The following SCYL2 variants were observed in gnomAD, a reference collection of about 807,000 sequenced individuals.
SCYL2 encodes SCY1 like pseudokinase 2.
In SCYL2, 36 loss-of-function variants were observed where a neutral mutation model predicts 100.4. The ratio of observed to expected loss-of-function variants is 0.36; its 90% confidence interval spans 0.27 to 0.47. The LOEUF is 0.47. SCYL2 is among the 20% of genes least tolerant of loss of function. The pLI is 1.00. For synonymous variants in SCYL2, 330 were observed against 359.2 expected (o/e 0.92, Z 0.92); for missense variants, 902 against 1,083.9 (o/e 0.83, Z 2.36).
intron 7 of SCYL2, 115 bp downstream of exon 7, chr12:100,313,653 A>C (rs2096344950): frequency 1.7e-6 from 1 of 603,596 alleles, no homozygotes; most frequent in African/African-American, 1.9e-5. Context: ...TCTGAGATTA[A>C]GTTCTTCTAA....
chr12:100,278,558 T>G (rs1180657123), intron 1 of SCYL2, among the ~76,000 whole-genome samples: 1 of 152,126 alleles, frequency 6.6e-6, no homozygotes, highest in Non-Finnish European at 1.5e-5. Flanking sequence ...GCTGACAGTT[T>G]CGTTTAGCAG....
chr12:100,309,719 A>G (rs528150568), intron 4 of SCYL2, among the ~76,000 whole-genome samples: 4 of 152,288 alleles, frequency 2.6e-5, no homozygotes, highest in African/African-American at 9.6e-5. Flanking sequence ...GGCTATTGTG[A>G]ATAATGCTGC....
In SCYL2 at chr12:100,338,658, C is replaced by T; in HGVS notation, c.2276C>T (p.Ser759Phe). The T allele has an allele frequency of 6.2e-7, 1 of 1,614,002 alleles. No individual in the cohort carries two copies. Among genetic ancestry groups the T allele is most frequent in the South Asian group, 1.1e-5 (1 of 91,074 alleles). The part of the protein sequence containing the change: ...VPSMGIGMMF[S>F]TPTDNTKRNL... ...TCCATGGGCATTGGTATGATGTTTT[C>T]TACACCAACTGATAATACAAAGAGA... Residue 759 changes from serine to phenylalanine, a missense_variant, in exon 18 of 18, where the codon TCT (serine) becomes TTT (phenylalanine). Transcript: ENST00000360820.
At chr12:100,316,096 T>A (rs1271922748) in intron 9 of SCYL2, among the ~76,000 whole-genome samples, 1 of 152,228 alleles carries the variant, frequency 6.6e-6, no homozygotes, top group African/African-American at 2.4e-5. Flanking sequence ...TTTGAAGTAT[T>A]TTTGATTATT....
intron 5 of SCYL2, among the ~76,000 whole-genome samples, chr12:100,312,076 A>G (rs1009567918): frequency 6.6e-6 from 1 of 152,244 alleles, no homozygotes; most frequent in African/African-American, 2.4e-5. Flanking sequence ...TAACTAAATC[A>G]CATAGCTAAT....
intron 8 of SCYL2, 73 bp from the exon 9 acceptor site, chr12:100,315,485 C>A: frequency 1.6e-6 from 2 of 1,257,498 alleles, no homozygotes; most frequent in Non-Finnish European, 1.1e-6. Context: ...AGGTTTTAGA[C>A]CTTAGTGTTA....
intron 1 of SCYL2, among the ~76,000 whole-genome samples, chr12:100,275,458 G>A (rs1034287564): frequency 3.2e-4 from 48 of 152,190 alleles, no homozygotes; most frequent in African/African-American, 1.2e-3. Flanking sequence ...AGCCTCCCAA[G>A]GTGCTGGGAT....
chr12:100,316,930 T>C (rs2096349496), intron 9 of SCYL2, among the ~76,000 whole-genome samples: 1 of 152,072 alleles, frequency 6.6e-6, no homozygotes, highest in South Asian at 2.1e-4. Flanking sequence ...GGTGAAACCC[T>C]GTCTCTTCAA....
At position 100,283,098 on chromosome 12, in the gene SCYL2, A is replaced by G. The variant is rs200174631; in HGVS notation, c.128A>G (p.Asn43Ser). The change falls in exon 2 of 18, where the codon AAT becomes AGT. Residue 43 changes from asparagine to serine, a missense_variant. Physicochemically the swap from Asn to Ser is conservative, Grantham distance 46. Transcript: ENST00000360820. ...DVGRHIASGG[N>S]GLAWKIFNGT... ...GGTCGACACATTGCCAGTGGTGGCA[A>G]TGGGCTAGCTTGGAAGATTTTTAAT... 169 of 1,612,354 alleles carry G rather than the reference A, an allele frequency of 1.0e-4. No homozygotes were observed. The highest frequency in any genetic ancestry group is 7.6e-4 in the East Asian group (34 of 44,800).
intron 4 of SCYL2, among the ~76,000 whole-genome samples, chr12:100,309,942 T>G (rs923346524): frequency 2.0e-5 from 3 of 152,184 alleles, no homozygotes; most frequent in Non-Finnish European, 4.4e-5. Context: ...TTTCTCTCTC[T>G]CTATTTTAAT....
At position 100,340,436 on chromosome 12, in the gene SCYL2, A is replaced by T. The variant is rs1271262637; in HGVS notation, c.*1264A>T. ...TATTTTAAAAAATAATATTCCACTC[A>T]TAAAACTTTAAAACCATCTTTCAAC... On this transcript the variant is annotated 3_prime_UTR_variant, in exon 18 of 18. Coordinates refer to ENST00000360820, the MANE Select transcript of SCYL2 (RefSeq NM_017988.6). 1.3e-5 allele frequency: 2 copies of T among 152,134 alleles called. No individual in the cohort carries two copies. Among genetic ancestry groups the T allele is most frequent in the Non-Finnish European group, 2.9e-5 (2 of 67,956 alleles). 9.4% of individuals were successfully genotyped at this position (152,134 alleles called of 1,614,324 possible).
In SCYL2 at chr12:100,326,603, A is replaced by T. The variant is rs750723766; in HGVS notation, c.1510-19A>T. ...TTTGAAAACTTTTAATGACTAATGC[A>T]ATTTACCTCTTTTAATAGGTTCGTG... On this transcript the variant is annotated intron_variant, in intron 11 of 17. Transcript: ENST00000360820. 1 of 1,554,388 alleles carries T rather than the reference A, an allele frequency of 6.4e-7. No individual in the cohort carries two copies. The highest frequency in any genetic ancestry group is 1.3e-5 in the South Asian group (1 of 78,992).
chr12:100,335,367 A>G (rs1236066784), intron 14 of SCYL2, among the ~76,000 whole-genome samples: 1 of 152,096 alleles, frequency 6.6e-6, no homozygotes, highest in Non-Finnish European at 1.5e-5. Flanking sequence ...CAAGAGAACC[A>G]TGCTTGACTG....
Position 100,301,521 on chromosome 12 carries a change from G to A in SCYL2, c.480+3346G>A, listed in dbSNP as rs772579721. On this transcript the variant is annotated intron_variant, in intron 4 of 17. Transcript: ENST00000360820. ...TAACTTGATGTGATCCCATTTGTCC[G>A]TTTTTGCTTCGGTTACCTGTACTTG... 3.9e-5 allele frequency among the ~76,000 whole-genome samples: 6 copies of A among 152,058 alleles called. No homozygotes were observed. The East Asian group carries it at 5.8e-4, about 15-fold the overall frequency.
At chr12:100,317,032 G>C (rs2096349616) in intron 9 of SCYL2, among the ~76,000 whole-genome samples, 1 of 151,936 alleles carries the variant, frequency 6.6e-6, no homozygotes, top group African/African-American at 2.4e-5. Flanking sequence ...GGAGGTCGAG[G>C]CTGCGGTAAG....
At chr12:100,308,419 T>C (rs1383756633) in intron 4 of SCYL2, among the ~76,000 whole-genome samples, 4 of 152,034 alleles carry the variant, frequency 2.6e-5, no homozygotes, top group South Asian at 2.1e-4. Flanking sequence ...TTCTCACTTA[T>C]AAGTGGGAGT....
chr12:100,310,595 A>T (rs2096341062), intron 4 of SCYL2, among the ~76,000 whole-genome samples: 1 of 152,250 alleles, frequency 6.6e-6, no homozygotes, highest in African/African-American at 2.4e-5. Flanking sequence ...TGTGAGAATA[A>T]GTGAACTTCA....
chr12:100,290,217 G>T (rs2096308976), intron 2 of SCYL2, among the ~76,000 whole-genome samples: 1 of 152,114 alleles, frequency 6.6e-6, no homozygotes, highest in Non-Finnish European at 1.5e-5. Context: ...AAGGGAAATT[G>T]ACTCAAAGGC....
At chr12:100,313,395 A>G (rs1451219964) in intron 6 of SCYL2, 27 bp from the exon 7 acceptor site, 1 of 1,075,712 alleles carries the variant, frequency 9.3e-7, no homozygotes, top group African/African-American at 1.6e-5. Context: ...TTTTATACTC[A>G]TTTAATGTTA....
Sources: gnomAD v4.1 joint callset for allele counts (sites outside exome capture counted in the v4.1 genomes callset) on GRCh38, gnomAD v4.1.1 for gene constraint, MANE v1.5 for transcripts, NCBI Gene and HGNC (gene_info 2026-07-23, HGNC 2026-07-21) for gene names.